Variants in CPNE4 observed in about 807,000 individuals in gnomAD.
CPNE4 encodes copine-4.
In CPNE4, 25 loss-of-function variants were observed where a neutral mutation model predicts 67.9. The observed-to-expected ratio is 0.37, with a 90% CI of 0.27 to 0.51. The LOEUF is 0.51. Among genes scored for constraint, CPNE4 ranks in the 20% least tolerant of loss-of-function variants. CPNE4 has a pLI of 0.93. For synonymous variants in CPNE4, 242 were observed against 244.9 expected (o/e 0.99, Z 0.11); for missense variants, 464 against 690.8 (o/e 0.67, Z 3.68).
intron 2 of CPNE4, among the ~76,000 whole-genome samples, chr3:131,864,118 A>G (rs1004300647): frequency 1.1e-4 from 16 of 151,650 alleles, no homozygotes; most frequent in Admixed American, 2.0e-4. Flanking sequence ...GCCTTGTAGT[A>G]TAGTTTGAAG....
intron 1 of CPNE4, among the ~76,000 whole-genome samples, chr3:131,941,860 T>C (rs1583485446): frequency 6.6e-6 from 1 of 152,112 alleles, no homozygotes; most frequent in Admixed American, 6.6e-5. Context: ...ACTTTAGTTC[T>C]TTTATTAAAA....
At chr3:131,611,402 T>C (rs1358210872) in intron 7 of CPNE4, among the ~76,000 whole-genome samples, 1 of 152,206 alleles carries the variant, frequency 6.6e-6, no homozygotes, top group East Asian at 1.9e-4. Context: ...ATCAATCATA[T>C]TGTATAAATG....
At chr3:131,676,029 CTATTATTATTATTATTATTATTAT>C (rs34007329) in intron 6 of CPNE4, among the ~76,000 whole-genome samples, 16 of 138,512 alleles carry the variant, frequency 1.2e-4, no homozygotes, top group Non-Finnish European at 1.9e-4. Flanking sequence ...ATGTTATAAC[CTATTATTATTATTATTATTATTAT>C]TATTATTATT....
At chr3:131,977,644 T>C (rs2072699155) in intron 1 of CPNE4, among the ~76,000 whole-genome samples, 1 of 152,124 alleles carries the variant, frequency 6.6e-6, no homozygotes, top group African/African-American at 2.4e-5. Flanking sequence ...CTCTATGCGG[T>C]TCTTTTTTTA....
At chr3:131,680,335 G>A (rs758857241) in intron 6 of CPNE4, among the ~76,000 whole-genome samples, 1 of 150,772 alleles carries the variant, frequency 6.6e-6, no homozygotes, top group Non-Finnish European at 1.5e-5. Context: ...GACCTTGCAT[G>A]TGAGATGTGT....
chr3:131,653,198 T>G (rs540636693), intron 7 of CPNE4, among the ~76,000 whole-genome samples: 2 of 141,592 alleles, frequency 1.4e-5, no homozygotes, highest in Non-Finnish European at 3.0e-5. Context: ...CAGGCTGGAG[T>G]GCAGTGGTGC....
At chr3:131,711,607 G>C (rs771160679) in intron 3 of CPNE4, among the ~76,000 whole-genome samples, 2 of 152,090 alleles carry the variant, frequency 1.3e-5, no homozygotes, top group Non-Finnish European at 2.9e-5. Flanking sequence ...CATGGGAAGG[G>C]CCCTTGACGG....
intron 2 of CPNE4, among the ~76,000 whole-genome samples, chr3:131,739,245 A>T (rs9289396): frequency 0.87 from 132,788 of 152,092 alleles, 58,364 homozygotes; most frequent in East Asian, 0.92. Context: ...CTTTTTACAC[A>T]CTGGGCCATT....
At chr3:131,777,605 G>A (rs767941658) in intron 2 of CPNE4, among the ~76,000 whole-genome samples, 1 of 152,082 alleles carries the variant, frequency 6.6e-6, no homozygotes, top group African/African-American at 2.4e-5. Flanking sequence ...GATGTATGGT[G>A]ACTGCTTTCT....
intron 2 of CPNE4, among the ~76,000 whole-genome samples, chr3:131,856,666 T>C (rs540499717): frequency 1.2e-4 from 19 of 152,062 alleles, no homozygotes; most frequent in Admixed American, 7.9e-4. Context: ...CTTAGAAACA[T>C]TGTCCACAAA....
intron 2 of CPNE4, among the ~76,000 whole-genome samples, chr3:131,860,418 A>G (rs1184952030): frequency 6.6e-6 from 1 of 152,180 alleles, no homozygotes; most frequent in Non-Finnish European, 1.5e-5. Context: ...ATAAAACACA[A>G]CAAAGAAATG....
intron 1 of CPNE4, among the ~76,000 whole-genome samples, chr3:131,912,989 C>G (rs1485656110): frequency 7.2e-5 from 11 of 152,104 alleles, no homozygotes; most frequent in Non-Finnish European, 1.5e-4. Context: ...ATCTTAGGAA[C>G]AGACACTCGT....
chr3:131,965,826 A>T (rs1205479887), intron 1 of CPNE4, among the ~76,000 whole-genome samples: 1 of 152,188 alleles, frequency 6.6e-6, no homozygotes, highest in Non-Finnish European at 1.5e-5. Context: ...TGAGACAGAA[A>T]ATTAACAAGG....
rs143664575 is a variant in CPNE4, at chr3:132,000,809, G to A, written c.-2+33758C>T. Among the ~76,000 whole-genome samples the A allele has an allele frequency of 1.6e-4, 24 of 150,126 alleles. 1 individual carries two copies. The East Asian group carries it at 4.3e-3, about 27-fold the overall frequency. ...TACAATGCACTATCATCACACCATT[G>A]CCCTTCAGCCTGAGCAATGGAGTGA... On this transcript the variant is annotated intron_variant, in intron 1 of 15. Coordinates refer to ENST00000429747, the MANE Select transcript of CPNE4 (RefSeq NM_130808.3).
At chr3:131,721,941 G>A (rs990955285) in intron 3 of CPNE4, among the ~76,000 whole-genome samples, 1 of 152,142 alleles carries the variant, frequency 6.6e-6, no homozygotes, top group African/African-American at 2.4e-5. Context: ...AGTCATTAGA[G>A]AACATATGTT....
intron 1 of CPNE4, among the ~76,000 whole-genome samples, chr3:131,971,754 G>A (rs1012035654): frequency 6.6e-6 from 1 of 152,118 alleles, no homozygotes; most frequent in African/African-American, 2.4e-5. Flanking sequence ...ACAGGAGAGT[G>A]AGCAAGACCA....
intron 1 of CPNE4, among the ~76,000 whole-genome samples, chr3:131,952,576 G>C (rs564620495): frequency 2.2e-5 from 2 of 89,206 alleles, no homozygotes; most frequent in African/African-American, 9.1e-5. Flanking sequence ...AGGTGGGGGG[G>C]TCAGCACCCC....
chr3:132,034,028 A>T (rs1283058257), intron 1 of CPNE4, among the ~76,000 whole-genome samples: 1 of 145,440 alleles, frequency 6.9e-6, no homozygotes, highest in Non-Finnish European at 1.5e-5. Flanking sequence ...AGTTTTTAAC[A>T]CTGAGAAGAG....
intron 2 of CPNE4, among the ~76,000 whole-genome samples, chr3:131,786,159 T>A (rs1043110016): frequency 1.3e-5 from 2 of 152,172 alleles, no homozygotes; most frequent in African/African-American, 2.4e-5. Flanking sequence ...CATCAATAGC[T>A]TCTGCCCAGA....
Sources: allele counts gnomAD v4.1 joint callset (sites outside exome capture counted in the v4.1 genomes callset), GRCh38; gene constraint gnomAD v4.1.1; transcripts MANE v1.5; gene names NCBI Gene and HGNC (gene_info 2026-07-23, HGNC 2026-07-21).